The following PARN variants were observed in gnomAD, a reference collection of about 807,000 sequenced individuals.
PARN encodes the protein poly(A)-specific ribonuclease, also known as poly(A)-specific ribonuclease PARN.
PARN carries 71 observed loss-of-function variants against 102.8 expected under a neutral mutation model. The ratio of observed to expected loss-of-function variants is 0.69; its 90% CI spans 0.57 to 0.84. The LOEUF (loss-of-function observed/expected upper bound fraction) is 0.84. Ranked by LOEUF, PARN falls within the 40% of genes least tolerant of loss-of-function variation. PARN has a pLI of 0.00. For missense variants in PARN, 782 were observed against 760.9 expected, an observed-to-expected ratio of 1.03 and a Z score of -0.33; for synonymous variants, 261 against 252.9, an observed-to-expected ratio of 1.03 and a Z score of -0.30.
chr16:14,562,902 T>A (rs181273521), intron 18 of PARN, among the ~76,000 whole-genome samples: 2 of 152,256 alleles, frequency 1.3e-5, no homozygotes, highest in Non-Finnish European at 2.9e-5. Flanking sequence ...AAGGTTATTC[T>A]ATGATGACAC....
intron 21 of PARN, among the ~76,000 whole-genome samples, chr16:14,522,726 A>G (rs1965799628): frequency 6.6e-6 from 1 of 152,148 alleles, no homozygotes; most frequent in African/African-American, 2.4e-5. Flanking sequence ...GGCACACAGA[A>G]AGGCTGCCCC....
At chr16:14,591,206 T>C (rs1000642031) in intron 13 of PARN, among the ~76,000 whole-genome samples, 1 of 151,764 alleles carries the variant, frequency 6.6e-6, no homozygotes, top group Admixed American at 6.6e-5. Flanking sequence ...CTGGCCAACA[T>C]GGTGAAACCC....
intron 23 of PARN, among the ~76,000 whole-genome samples, chr16:14,443,840 T>C (rs761992090): frequency 2.6e-5 from 4 of 151,960 alleles, no homozygotes; most frequent in Non-Finnish European, 5.9e-5. Flanking sequence ...GAGGATCTGT[T>C]GAGTACCTGC....
intron 5 of PARN, among the ~76,000 whole-genome samples, chr16:14,620,148 C>A (rs1029554530): frequency 1.3e-5 from 2 of 150,186 alleles, no homozygotes; most frequent in African/African-American, 2.5e-5. Context: ...GAGGCCCAGG[C>A]GGGCAGATTA....
chr16:14,511,689 G>GTATGTTATGT (rs539733906), intron 21 of PARN, among the ~76,000 whole-genome samples: 1 of 152,008 alleles, frequency 6.6e-6, no homozygotes, highest in Non-Finnish European at 1.5e-5. Flanking sequence ...CTATGTTATG[G>GTATGTTATGT]TATGTTATGT....
intron 21 of PARN, among the ~76,000 whole-genome samples, chr16:14,529,478 C>T (rs948498222): frequency 6.6e-6 from 1 of 152,170 alleles, no homozygotes; most frequent in Non-Finnish European, 1.5e-5. Flanking sequence ...CTGTAGGTCA[C>T]TACTGGCTAC....
chr16:14,470,406 A>T (rs576017974), intron 22 of PARN, among the ~76,000 whole-genome samples: 3 of 150,890 alleles, frequency 2.0e-5, no homozygotes, highest in South Asian at 2.1e-4. Context: ...TTACAAATTT[A>T]AAAAAACTAT....
intron 21 of PARN, among the ~76,000 whole-genome samples, chr16:14,490,840 C>A (rs1212306287): frequency 6.6e-6 from 1 of 152,150 alleles, no homozygotes; most frequent in Non-Finnish European, 1.5e-5. Flanking sequence ...AACAGATGGA[C>A]AGCCTCTCCA....
At chr16:14,485,568 C>G (rs550332109) in intron 21 of PARN, among the ~76,000 whole-genome samples, 34 of 152,198 alleles carry the variant, frequency 2.2e-4, no homozygotes, top group Non-Finnish European at 4.0e-4. Context: ...TCAATGTGGA[C>G]ATATGAGAAC....
chr16:14,546,346 G>C (rs1966940884), intron 21 of PARN, among the ~76,000 whole-genome samples: 2 of 152,224 alleles, frequency 1.3e-5, no homozygotes, highest in Non-Finnish European at 2.9e-5. Flanking sequence ...GCAAAGCCAA[G>C]TGTCTTCCCT....
intron 10 of PARN, 84 bp from the exon 11 acceptor site, chr16:14,604,310 G>T: frequency 3.7e-6 from 3 of 812,570 alleles, no homozygotes; most frequent in Non-Finnish European, 6.0e-6. Context: ...GCTCAGGCTG[G>T]AGTGCAATTG....
intron 21 of PARN, 35 bp from the exon 22 acceptor site, chr16:14,482,862 A>G: frequency 1.3e-6 from 2 of 1,529,840 alleles, no homozygotes; most frequent in Non-Finnish European, 1.8e-6. Flanking sequence ...AAATGCTTAC[A>G]AAAGTCTGGC....
At chr16:14,509,455 C>T (rs1965072579) in intron 21 of PARN, among the ~76,000 whole-genome samples, 1 of 152,188 alleles carries the variant, frequency 6.6e-6, no homozygotes, top group Admixed American at 6.5e-5. Context: ...CTTTGGCTAA[C>T]AGTTTATTTT....
At chr16:14,562,320 T>C (rs1968116496) in intron 18 of PARN, among the ~76,000 whole-genome samples, 1 of 149,904 alleles carries the variant, frequency 6.7e-6, no homozygotes, top group Non-Finnish European at 1.5e-5. Flanking sequence ...TAGCCAGGTG[T>C]GGTGGCACAT....
intron 21 of PARN, among the ~76,000 whole-genome samples, chr16:14,494,424 G>A (rs1316732924): frequency 6.6e-6 from 1 of 152,128 alleles, no homozygotes; most frequent in Non-Finnish European, 1.5e-5. Context: ...GACCACACCT[G>A]GGGCTCAGAA....
chr16:14,446,591 T>C (rs1303803130), intron 23 of PARN, among the ~76,000 whole-genome samples: 1 of 152,176 alleles, frequency 6.6e-6, no homozygotes, highest in African/African-American at 2.4e-5. Context: ...TTTTAAATAT[T>C]GAGGCTGCTT....
intron 12 of PARN, among the ~76,000 whole-genome samples, chr16:14,595,241 T>A (rs1157891772): frequency 6.6e-6 from 1 of 152,176 alleles, no homozygotes; most frequent in Non-Finnish European, 1.5e-5. Flanking sequence ...TTCTCACTGT[T>A]GAGAAAGAAG....
At chr16:14,586,168 G>C in intron 14 of PARN, 150 bp downstream of exon 14, 1 of 574,028 alleles carries the variant, frequency 1.7e-6, no homozygotes, top group South Asian at 2.5e-5. Context: ...TAGATATGTG[G>C]TTTCACTATG....
chr16:14,454,869 T>C (rs1461944108), intron 22 of PARN, among the ~76,000 whole-genome samples: 4 of 152,246 alleles, frequency 2.6e-5, no homozygotes, highest in African/African-American at 7.2e-5. Context: ...GATACACTTA[T>C]ACTGAAAGCT....
Sources: allele counts gnomAD v4.1 joint callset (sites outside exome capture counted in the v4.1 genomes callset), GRCh38; gene constraint gnomAD v4.1.1; transcripts MANE v1.5; gene names NCBI Gene and HGNC (gene_info 2026-07-23, HGNC 2026-07-21).